TAFA2: variants seen among roughly 807,000 people sequenced by gnomAD.
TAFA2 encodes TAFA chemokine like family member 2.
A neutral mutation model predicts 18.8 loss-of-function variants in TAFA2; 7 were observed. The ratio of observed to expected loss-of-function variants is 0.37; its 90% CI spans 0.21 to 0.70. TAFA2 has a LOEUF of 0.70. Among genes scored for constraint, TAFA2 ranks in the 30% least tolerant of loss-of-function variants. The pLI is 0.53. For synonymous variants in TAFA2, 60 were observed against 54.2 expected (o/e 1.11, Z -0.47); for missense variants, 122 against 158.1 (o/e 0.77, Z 1.23).
At chr12:62,055,168 C>T (rs1882156319) in intron 1 of TAFA2, among the ~76,000 whole-genome samples, 1 of 152,146 alleles carries the variant, frequency 6.6e-6, no homozygotes, top group Non-Finnish European at 1.5e-5. Flanking sequence ...GAAGCAGTCC[C>T]CCACCATATA....
chr12:62,201,376 T>A (rs1359540976), intron 1 of TAFA2, among the ~76,000 whole-genome samples: 1 of 152,222 alleles, frequency 6.6e-6, no homozygotes, highest in Non-Finnish European at 1.5e-5. Context: ...TGTCAGTTTG[T>A]CATAAAAGGT....
At chr12:61,764,230 T>A (rs7978220) in intron 2 of TAFA2, among the ~76,000 whole-genome samples, 262 of 150,142 alleles carry the variant, frequency 1.7e-3, no homozygotes, top group African/African-American at 5.5e-3. Context: ...GATGATTGAT[T>A]GATAGATAGA....
chr12:61,947,628 C>G (rs1016313172), intron 1 of TAFA2, among the ~76,000 whole-genome samples: 1 of 152,128 alleles, frequency 6.6e-6, no homozygotes, highest in African/African-American at 2.4e-5. Context: ...CTCTAATTCA[C>G]TGGGCCATTT....
chr12:62,024,308 T>C (rs11837421), intron 1 of TAFA2, among the ~76,000 whole-genome samples: 19,863 of 152,140 alleles, frequency 0.13, 1,656 homozygotes, highest in Non-Finnish European at 0.19. Context: ...TGAACTCTCA[T>C]GGAAAGTTAG....
intron 4 of TAFA2, among the ~76,000 whole-genome samples, chr12:61,733,142 G>GT (rs1868250931): frequency 6.6e-6 from 1 of 151,974 alleles, no homozygotes; most frequent in African/African-American, 2.4e-5. Context: ...TTGTAAATGT[G>GT]TTTGAGTTCA....
intron 1 of TAFA2, among the ~76,000 whole-genome samples, chr12:62,042,058 T>C (rs1881769742): frequency 6.6e-6 from 1 of 152,112 alleles, no homozygotes; most frequent in South Asian, 2.1e-4. Flanking sequence ...TGTATATTAA[T>C]GTATTTCAAA....
intron 1 of TAFA2, among the ~76,000 whole-genome samples, chr12:62,161,249 C>T (rs561261666): frequency 6.6e-6 from 1 of 152,254 alleles, no homozygotes; most frequent in Non-Finnish European, 1.5e-5. Context: ...AAAAGATACT[C>T]ACACTCATTT....
At chr12:62,121,571 A>G (rs957503227) in intron 1 of TAFA2, among the ~76,000 whole-genome samples, 2 of 152,212 alleles carry the variant, frequency 1.3e-5, no homozygotes, top group Non-Finnish European at 2.9e-5. Context: ...CAATGATTCA[A>G]CCACCAGGAA....
At chr12:62,176,636 A>C (rs1186272935) in intron 1 of TAFA2, among the ~76,000 whole-genome samples, 3 of 152,244 alleles carry the variant, frequency 2.0e-5, no homozygotes, top group South Asian at 2.1e-4. Context: ...ATTTTAATAC[A>C]TAACAACGCT....
rs1879839131 is a variant in TAFA2, at chr12:61,986,895, G to A, written c.-1-119469C>T. On this transcript the variant is annotated intron_variant, in intron 1 of 4. Coordinates refer to ENST00000416284, the MANE Select transcript of TAFA2 (RefSeq NM_178539.5). Reference sequence around the variant, plus strand: ...AGCAAAATTGGGGAGAAGACAAGTAGACCGTCTATGTCCGAGGCTCACATT... The same window carrying A: ...AGCAAAATTGGGGAGAAGACAAGTAAACCGTCTATGTCCGAGGCTCACATT... Among the ~76,000 whole-genome samples the A allele has an allele frequency of 1.3e-5, 2 of 152,166 alleles. 1 individual carries two copies. Among genetic ancestry groups the A allele is most frequent in the South Asian group, 4.1e-4 (2 of 4,828 alleles).
intron 1 of TAFA2, among the ~76,000 whole-genome samples, chr12:61,881,702 C>T (rs1875147357): frequency 6.6e-6 from 1 of 151,990 alleles, no homozygotes; most frequent in Admixed American, 6.5e-5. Context: ...CCTCATACCA[C>T]CCCCACCCTC....
At chr12:62,202,185 A>G (rs531573262) in intron 1 of TAFA2, among the ~76,000 whole-genome samples, 1 of 152,110 alleles carries the variant, frequency 6.6e-6, no homozygotes, top group South Asian at 2.1e-4. Context: ...TTCAAAAAAC[A>G]AGCTCCTGGA....
chr12:61,999,279 T>C (rs1880301374), intron 1 of TAFA2, among the ~76,000 whole-genome samples: 1 of 152,184 alleles, frequency 6.6e-6, no homozygotes, highest in Admixed American at 6.5e-5. Flanking sequence ...CTCAGCACAA[T>C]ACAATTAGCT....
At chr12:62,000,915 G>A (rs766724225) in intron 1 of TAFA2, among the ~76,000 whole-genome samples, 2 of 152,222 alleles carry the variant, frequency 1.3e-5, no homozygotes, top group Non-Finnish European at 2.9e-5. Flanking sequence ...ACCTGTGGGA[G>A]AGGGACATGA....
intron 1 of TAFA2, among the ~76,000 whole-genome samples, chr12:61,900,774 G>T (rs1012636081): frequency 6.6e-6 from 1 of 152,136 alleles, no homozygotes; most frequent in African/African-American, 2.4e-5. Context: ...TATCAAGTGG[G>T]TATAAAATGA....
At chr12:62,001,706 G>A (rs927607660) in intron 1 of TAFA2, among the ~76,000 whole-genome samples, 3 of 152,014 alleles carry the variant, frequency 2.0e-5, no homozygotes, top group Non-Finnish European at 2.9e-5. Flanking sequence ...CTGCTGTGTC[G>A]CCCAGTTCCT....
chr12:61,884,460 A>C (rs1187856489), intron 1 of TAFA2, among the ~76,000 whole-genome samples: 1 of 152,180 alleles, frequency 6.6e-6, no homozygotes, highest in African/African-American at 2.4e-5. Context: ...CATAAATAGA[A>C]AGAAACTCTT....
intron 2 of TAFA2, among the ~76,000 whole-genome samples, chr12:61,755,666 A>C (rs1280388479): frequency 6.6e-6 from 1 of 152,132 alleles, no homozygotes. Flanking sequence ...AAATGGTACC[A>C]TGAACTTGGA....
At chr12:61,805,905 T>C (rs1332745696) in intron 2 of TAFA2, among the ~76,000 whole-genome samples, 1 of 152,170 alleles carries the variant, frequency 6.6e-6, no homozygotes, top group Non-Finnish European at 1.5e-5. Flanking sequence ...AATCAAATTG[T>C]TTATTATGTG....
Sources: allele counts gnomAD v4.1 joint callset (sites outside exome capture counted in the v4.1 genomes callset), GRCh38; gene constraint gnomAD v4.1.1; transcripts MANE v1.5; gene names NCBI Gene and HGNC (gene_info 2026-07-23, HGNC 2026-07-21).